Variants in ABR observed in about 807,000 individuals in gnomAD.
ABR encodes the protein active breakpoint cluster region-related protein.
A neutral mutation model predicts 107.2 loss-of-function variants in ABR; 35 were observed. The ratio of observed to expected loss-of-function variants is 0.33; its 90% CI spans 0.25 to 0.43. The LOEUF (loss-of-function observed/expected upper bound fraction) is 0.43. Ranked by LOEUF, ABR falls within the 20% of genes least tolerant of loss-of-function variation. The pLI, the probability that ABR is intolerant of heterozygous loss-of-function variation, is 1.00. For missense variants in ABR, 815 were observed against 1,115.2 expected (o/e 0.73, Z 3.83); for synonymous variants, 498 against 462.0 (o/e 1.08, Z -1.00).
At chr17:1,090,770 G>C (rs1343452437) in intron 4 of ABR, among the ~76,000 whole-genome samples, 1 of 152,202 alleles carries the variant, frequency 6.6e-6, no homozygotes, top group Non-Finnish European at 1.5e-5. Context: ...CACACCCAGA[G>C]AACAGGGCAG....
In ABR at chr17:1,022,213, G is replaced by A. The variant is rs542249334; in HGVS notation, c.1792-9049C>T. Among the ~76,000 whole-genome samples, 14 of 152,018 alleles carry A rather than the reference G, an allele frequency of 9.2e-5. No individual in the cohort carries two copies. The East Asian group carries it at 1.9e-3, about 21-fold the overall frequency. On this transcript the variant is annotated intron_variant, in intron 16 of 22. Coordinates refer to ENST00000302538, the MANE Select transcript of ABR (RefSeq NM_021962.5). Reference sequence around the variant, plus strand: ...GTGGAGCTGTGTGGGCACATTTCACGCCTGCCCTGGAGGGGCCGCGGAGCC... The same window carrying A: ...GTGGAGCTGTGTGGGCACATTTCACACCTGCCCTGGAGGGGCCGCGGAGCC...
chr17:1,195,231 C>T (rs1441274846), intron 1 of ABR, among the ~76,000 whole-genome samples: 17 of 142,592 alleles, frequency 1.2e-4, no homozygotes, highest in African/African-American at 4.0e-4. Flanking sequence ...GGCGTGAACC[C>T]GGAAGGCGGA....
intron 1 of ABR, among the ~76,000 whole-genome samples, chr17:1,197,973 C>G: frequency 6.6e-6 from 1 of 151,886 alleles, no homozygotes; most frequent in African/African-American, 2.4e-5. Flanking sequence ...GGAACACTGC[C>G]GCTGCTGCTG....
rs549015711 is a variant in ABR at position 1,086,221 on chromosome 17, A to G, written c.532-2594T>C. ...GGCTCATAAGCTATTTCCATTAGAC[A>G]GCAGTGCTCTGGAGCAAATGGCCTA... is the stretch of plus-strand genomic sequence containing the variant. On this transcript the variant is annotated intron_variant, in intron 4 of 22. Coordinates refer to ENST00000302538, the MANE Select transcript of ABR (RefSeq NM_021962.5). Among the ~76,000 whole-genome samples, 74 of 152,354 alleles carry G rather than the reference A, an allele frequency of 4.9e-4. 1 individual carries two copies. Among genetic ancestry groups the G allele is most frequent in the African/African-American group, 1.6e-3 (66 of 41,594 alleles).
At chr17:1,111,975 G>A (rs1430750026) in intron 2 of ABR, among the ~76,000 whole-genome samples, 1 of 152,198 alleles carries the variant, frequency 6.6e-6, no homozygotes, top group Non-Finnish European at 1.5e-5. Context: ...TTCCACTTCT[G>A]TTAGTGCGGC....
At chr17:1,025,221 G>A (rs150911792) in intron 16 of ABR, among the ~76,000 whole-genome samples, 7,160 of 149,390 alleles carry the variant, frequency 0.048, 515 homozygotes, top group African/African-American at 0.16. Context: ...GCTTGAACCC[G>A]GGAGGCGGAG....
chr17:1,205,210 A>T (rs986538171), intron 1 of ABR, among the ~76,000 whole-genome samples: 1 of 152,086 alleles, frequency 6.6e-6, no homozygotes, highest in Non-Finnish European at 1.5e-5. Context: ...TTTTATCCCC[A>T]TTATTAAGAG....
At position 1,068,519 on chromosome 17, in the gene ABR, G is replaced by A. The variant is rs530239776; in HGVS notation, c.1017-1277C>T. 5.3e-5 allele frequency among the ~76,000 whole-genome samples: 8 copies of A among 152,336 alleles called. No individual in the cohort carries two copies. In the East Asian group the frequency reaches 1.3e-3, roughly 26 times the overall value. The stretch of plus-strand genomic sequence containing the variant: ...GATGGTAAACGAGTCCCACAGACAC[G>A]GGTTTGAATCCAGACTGCCGCTTCT... On this transcript the variant is annotated intron_variant, in intron 9 of 22. Transcript: ENST00000302538.
At chr17:1,133,354 T>C (rs925807706) in intron 1 of ABR, among the ~76,000 whole-genome samples, 4 of 152,078 alleles carry the variant, frequency 2.6e-5, no homozygotes, top group African/African-American at 9.7e-5. Context: ...TTATGATCTA[T>C]GATACTAGTT....
intron 16 of ABR, among the ~76,000 whole-genome samples, chr17:1,032,288 AG>A (rs1272488280): frequency 6.6e-6 from 1 of 152,056 alleles, no homozygotes; most frequent in African/African-American, 2.4e-5. Context: ...CCTTCCTCAG[AG>A]CCAGCTTGGT....
In ABR at chr17:1,011,953, C is replaced by T. The variant is rs547181906; in HGVS notation, c.1994G>A (p.Arg665Gln). ...RERSKVPYIV[R>Q]QCVEEVEKRG... is the part of the protein sequence containing the mutation. ...CTTCTCCACCTCCTCCACACACTGC[C>T]GGACGATGTAGGGCACCTTGGAGCG... The change falls in exon 19 of 23, where the codon CGG (arginine) becomes CAG (glutamine). Residue 665 changes from arginine (R) to glutamine (Q), a missense_variant. This residue lies in a region of ABR where 175 missense variants were observed against 284.3 expected (regional missense o/e 0.62). Coordinates refer to ENST00000302538, the MANE Select transcript of ABR (RefSeq NM_021962.5). This position sits in a 1 kb window ranked among gnomAD's most constrained non-coding sequence, Gnocchi z 4.8. 29 of 1,613,728 alleles carry T rather than the reference C, an allele frequency of 1.8e-5. No individual in the cohort carries two copies. Among genetic ancestry groups the T allele is most frequent in the Middle Eastern group, 1.7e-4 (1 of 6,060 alleles).
intron 22 of ABR, 142 bp from the exon 23 acceptor site, chr17:1,006,311 TC>T: frequency 1.3e-6 from 1 of 768,670 alleles, no homozygotes; most frequent in Non-Finnish European, 2.2e-6. Flanking sequence ...TGTTTGCCTT[TC>T]TGCAGCCGTG....
At chr17:1,022,115 A>AC (rs1194730854) in intron 16 of ABR, among the ~76,000 whole-genome samples, 3 of 149,758 alleles carry the variant, frequency 2.0e-5, no homozygotes, top group East Asian at 2.0e-4. Flanking sequence ...TCAAAAAAAA[A>AC]AAAAAAAAAA....
At chr17:1,106,335 G>A (rs1358320183) in intron 2 of ABR, among the ~76,000 whole-genome samples, 1 of 151,998 alleles carries the variant, frequency 6.6e-6, no homozygotes, top group Non-Finnish European at 1.5e-5. Flanking sequence ...GAATTGCCTT[G>A]GATTCCTACT....
chr17:1,024,208 C>T (rs559486092), intron 16 of ABR, among the ~76,000 whole-genome samples: 4 of 152,238 alleles, frequency 2.6e-5, no homozygotes, highest in Admixed American at 6.5e-5. Flanking sequence ...TGCCTTGCTC[C>T]GAGTCTCACG....
At chr17:1,061,928 G>C (rs1331616471) in intron 10 of ABR, among the ~76,000 whole-genome samples, 1 of 152,240 alleles carries the variant, frequency 6.6e-6, no homozygotes, top group African/African-American at 2.4e-5. Flanking sequence ...TCAAATTCCA[G>C]TGGGGAAGAG....
chr17:1,123,785 C>T (rs575008738), intron 2 of ABR, among the ~76,000 whole-genome samples: 1 of 152,286 alleles, frequency 6.6e-6, no homozygotes, highest in East Asian at 1.9e-4. Context: ...TGGTTGGCCC[C>T]CGTTCAGGTC....
At chr17:1,137,539 C>A (rs992389285) in intron 1 of ABR, among the ~76,000 whole-genome samples, 1 of 152,120 alleles carries the variant, frequency 6.6e-6, no homozygotes, top group Non-Finnish European at 1.5e-5. Context: ...TGAAGGTTGC[C>A]GGGTCCGGTC....
At chr17:1,083,030 A>G (rs2151254885) in intron 5 of ABR, among the ~76,000 whole-genome samples, 1 of 150,980 alleles carries the variant, frequency 6.6e-6, no homozygotes, top group Non-Finnish European at 1.5e-5. Context: ...AGGCTGAGGC[A>G]GGAGAATCAC....
Sources: gnomAD v4.1 joint callset for allele counts (sites outside exome capture counted in the v4.1 genomes callset) on GRCh38, gnomAD v4.1.1 for gene constraint, gnomAD v4.1.1 regional missense constraint, Gnocchi (gnomAD v3.1) non-coding constraint, MANE v1.5 for transcripts, NCBI Gene and HGNC (gene_info 2026-07-23, HGNC 2026-07-21) for gene names.